NDUFAF2: variants seen among roughly 807,000 people sequenced by gnomAD.
NDUFAF2 encodes NADH dehydrogenase [ubiquinone] 1 alpha subcomplex assembly factor 2.
Under a neutral mutation model 22.8 loss-of-function variants are expected in NDUFAF2, and 13 were observed. The observed-to-expected ratio is 0.57, with a 90% confidence interval of 0.37 to 0.91. The LOEUF (loss-of-function observed/expected upper bound fraction) is 0.91. Among genes scored for constraint, NDUFAF2 ranks in the 40% least tolerant of loss-of-function variants. NDUFAF2 has a pLI of 0.01. For synonymous variants in NDUFAF2, 53 were observed against 64.2 expected (o/e 0.83, Z 0.84); for missense variants, 162 against 195.2 (o/e 0.83, Z 1.01).
At chr5:61,042,753 TC>T (rs1385011061) in intron 1 of NDUFAF2, among the ~76,000 whole-genome samples, 1 of 152,222 alleles carries the variant, frequency 6.6e-6, no homozygotes, top group Non-Finnish European at 1.5e-5. Context: ...ATGGTTACAT[TC>T]ATTCAGACAA....
chr5:61,003,882 G>T (rs1751331010), intron 1 of NDUFAF2, among the ~76,000 whole-genome samples: 1 of 151,740 alleles, frequency 6.6e-6, no homozygotes, highest in Non-Finnish European at 1.5e-5. Context: ...GCCCAGGTTG[G>T]TCCTGAAGCT....
rs545936442 is a variant in NDUFAF2 at position 61,007,973 on chromosome 5, T to TA, written c.127+62597dup. ...TACACCATGGAATACTATGCAGCCA[T>TA]AAAAAATGATGATTTCATGTCCTTT... On this transcript the variant is annotated intron_variant, in intron 1 of 3. Coordinates refer to ENST00000296597, the MANE Select transcript of NDUFAF2 (RefSeq NM_174889.5). Among the ~76,000 whole-genome samples, 1,114 of 152,064 alleles carry TA rather than the reference T, an allele frequency of 7.3e-3. 10 individuals carry two copies. Among genetic ancestry groups the TA allele is most frequent in the African/African-American group, 0.026 (1,072 of 41,468 alleles).
chr5:60,973,022 C>T (rs1750856738), intron 1 of NDUFAF2, among the ~76,000 whole-genome samples: 1 of 151,672 alleles, frequency 6.6e-6, no homozygotes, highest in South Asian at 2.1e-4. Flanking sequence ...ACTTTGTCTC[C>T]TAATGTTTAG....
chr5:61,007,874 T>G (rs1417851878), intron 1 of NDUFAF2, among the ~76,000 whole-genome samples: 1 of 152,120 alleles, frequency 6.6e-6, no homozygotes, highest in East Asian at 1.9e-4. Flanking sequence ...GCGGCACTAT[T>G]CACAATAGCA....
intron 1 of NDUFAF2, among the ~76,000 whole-genome samples, chr5:60,959,206 C>A (rs1750654118): frequency 6.6e-6 from 1 of 151,984 alleles, no homozygotes; most frequent in African/African-American, 2.4e-5. Context: ...TAGCTCTTTT[C>A]AATGTGATAT....
At chr5:61,044,998 C>A (rs1305117342) in intron 1 of NDUFAF2, among the ~76,000 whole-genome samples, 1 of 128,614 alleles carries the variant, frequency 7.8e-6, no homozygotes, top group Non-Finnish European at 1.7e-5. Flanking sequence ...TTTAAAATTT[C>A]TTTTATTAAA....
At chr5:61,101,459 A>T (rs939015763) in intron 3 of NDUFAF2, among the ~76,000 whole-genome samples, 4 of 152,002 alleles carry the variant, frequency 2.6e-5, no homozygotes, top group African/African-American at 9.7e-5. Flanking sequence ...CATTTCTTTT[A>T]CTTCCTTAGA....
intron 3 of NDUFAF2, among the ~76,000 whole-genome samples, chr5:61,133,343 A>G (rs1753135965): frequency 6.6e-6 from 1 of 152,204 alleles, no homozygotes; most frequent in Non-Finnish European, 1.5e-5. Flanking sequence ...TAAGTTAGGA[A>G]GTCCTTATAT....
At chr5:61,011,193 G>A (rs768344418) in intron 1 of NDUFAF2, among the ~76,000 whole-genome samples, 8 of 152,068 alleles carry the variant, frequency 5.3e-5, no homozygotes, top group Non-Finnish European at 1.0e-4. Context: ...GGTTTTTCCT[G>A]TGTTTTCGTA....
At chr5:61,077,353 A>G (rs1445166681) in intron 2 of NDUFAF2, among the ~76,000 whole-genome samples, 1 of 152,208 alleles carries the variant, frequency 6.6e-6, no homozygotes, top group Non-Finnish European at 1.5e-5. Flanking sequence ...CATGTACTAG[A>G]AGCCAAATAT....
At chr5:61,061,329 C>T (rs562267702) in intron 1 of NDUFAF2, among the ~76,000 whole-genome samples, 2 of 152,168 alleles carry the variant, frequency 1.3e-5, no homozygotes, top group African/African-American at 4.8e-5. Context: ...TCATGGTAAG[C>T]AAGAGCCCTT....
intron 1 of NDUFAF2, among the ~76,000 whole-genome samples, chr5:60,952,155 T>C (rs959251844): frequency 6.6e-6 from 1 of 151,978 alleles, no homozygotes; most frequent in African/African-American, 2.4e-5. Flanking sequence ...TTTTAGAGAA[T>C]TAGCTTTGAG....
At chr5:60,986,848 C>T (rs138789177) in intron 1 of NDUFAF2, among the ~76,000 whole-genome samples, 3,295 of 151,536 alleles carry the variant, frequency 0.022, 67 homozygotes, top group Non-Finnish European at 0.028. Flanking sequence ...AGGAGAATCG[C>T]CTGATTCCAG....
intron 1 of NDUFAF2, among the ~76,000 whole-genome samples, chr5:60,990,710 A>G (rs1200267413): frequency 6.6e-6 from 1 of 152,186 alleles, no homozygotes; most frequent in Non-Finnish European, 1.5e-5. Flanking sequence ...AGTATTTCTA[A>G]TTTAAATATG....
intron 1 of NDUFAF2, among the ~76,000 whole-genome samples, chr5:60,956,608 A>C (rs762515757): frequency 1.7e-4 from 26 of 152,098 alleles, no homozygotes; most frequent in Admixed American, 2.6e-4. Context: ...ATGGTCATAC[A>C]GTTTTTGTCC....
At chr5:61,011,216 A>G (rs1379270962) in intron 1 of NDUFAF2, among the ~76,000 whole-genome samples, 1 of 151,942 alleles carries the variant, frequency 6.6e-6, no homozygotes, top group East Asian at 1.9e-4. Context: ...TCTGTGCCTT[A>G]TGAGTATTTT....
chr5:61,144,820 C>A (rs1741114480), intron 3 of NDUFAF2, among the ~76,000 whole-genome samples: 1 of 152,190 alleles, frequency 6.6e-6, no homozygotes, highest in African/African-American at 2.4e-5. Flanking sequence ...AGTTTTCTTT[C>A]TCTCTCCCAA....
intron 1 of NDUFAF2, among the ~76,000 whole-genome samples, chr5:61,048,897 G>T (rs1403475896): frequency 6.6e-6 from 1 of 152,100 alleles, no homozygotes; most frequent in Non-Finnish European, 1.5e-5. Context: ...AGTGGTGGTA[G>T]AACCACATTC....
At chr5:60,954,965 T>G (rs763111245) in intron 1 of NDUFAF2, among the ~76,000 whole-genome samples, 2 of 152,218 alleles carry the variant, frequency 1.3e-5, no homozygotes, top group Non-Finnish European at 2.9e-5. Context: ...TAGAAGTCAC[T>G]GATACATTTT....
Sources: gnomAD v4.1 joint callset for allele counts (sites outside exome capture counted in the v4.1 genomes callset) on GRCh38, gnomAD v4.1.1 for gene constraint, MANE v1.5 for transcripts, NCBI Gene and HGNC (gene_info 2026-07-23, HGNC 2026-07-21) for gene names.